The following MAP9 variants were observed in gnomAD, a reference collection of about 807,000 sequenced individuals.
MAP9 encodes the protein microtubule associated protein 9, also known as microtubule-associated protein 9.
In MAP9, 80 loss-of-function variants were observed where a neutral mutation model predicts 75.2. That is an observed-to-expected ratio of 1.06 (90% CI 0.89 to 1.28). MAP9 has a LOEUF of 1.28. MAP9 is among the 50% of genes most tolerant of loss of function. The pLI is 0.00. For missense variants in MAP9, 753 were observed against 719.9 expected, an observed-to-expected ratio of 1.05 and a Z score of -0.53; for synonymous variants, 235 against 237.3, an observed-to-expected ratio of 0.99 and a Z score of 0.09.
intron 2 of MAP9, among the ~76,000 whole-genome samples, 167 bp downstream of exon 2, chr4:155,375,609 G>A (rs1279222203): frequency 6.6e-6 from 1 of 152,128 alleles, no homozygotes; most frequent in Non-Finnish European, 1.5e-5. Flanking sequence ...AAACCATATA[G>A]GGGAGTTTGT....
Position 155,375,681 on chromosome 4 carries a change from C to G in MAP9, c.75+95G>C, listed in dbSNP as rs933483183. On this transcript the variant is annotated intron_variant, in intron 2 of 13. Transcript: ENST00000311277. ...ACCTCAAAAGTAATATAAGATTTAC[C>G]CCTGCTTTATATAGGACTGTTCTAG... 61 of 676,254 alleles carry G rather than the reference C, an allele frequency of 9.0e-5. No individual in the cohort carries two copies. The African/African-American group carries it at 1.0e-3, about 11-fold the overall frequency. 41.9% of individuals were successfully genotyped at this position (676,254 alleles called of 1,614,324 possible).
At position 155,368,617 on chromosome 4, in the gene MAP9, T is replaced by C; in HGVS notation, c.677A>G (p.Lys226Arg). Residue 226 changes from lysine to arginine, a missense_variant, in exon 5 of 14, where the codon AAA (lysine) becomes AGA (arginine). By Grantham distance (26) the Lys-to-Arg change is conservative. Coordinates refer to ENST00000311277, the MANE Select transcript of MAP9 (RefSeq NM_001039580.2). ...TPNGIQLEAE[K>R]KAFSENLDPE... ...ATCAAGGTTTTCAGAGAATGCTTTT[T>C]TCTCAGCTTCTAATTGTATGCCATT... 1.9e-6 allele frequency: 3 copies of C among 1,614,218 alleles called. No homozygotes were observed. The highest frequency in any genetic ancestry group is 2.5e-6 in the Non-Finnish European group (3 of 1,180,028).
intron 7 of MAP9, among the ~76,000 whole-genome samples, chr4:155,358,712 TCAA>T (rs986198713): frequency 1.2e-4 from 18 of 151,712 alleles, no homozygotes; most frequent in Admixed American, 3.3e-4. Flanking sequence ...AATGTTCCCC[TCAA>T]CAACAACAAC....
Position 155,345,008 on chromosome 4 carries a change from T to C in MAP9, c.*2775A>G, listed in dbSNP as rs1731233174. 6.6e-6 allele frequency: 1 copy of C among 152,078 alleles called. No individual in the cohort carries two copies. Among genetic ancestry groups the C allele is most frequent in the Admixed American group, 6.6e-5 (1 of 15,244 alleles). 9.4% of individuals were successfully genotyped at this position (152,078 alleles called of 1,614,324 possible). A position where few individuals can be genotyped will look rare whatever the true frequency, so the allele number is the denominator to read the frequency against. On this transcript the variant is annotated 3_prime_UTR_variant, in exon 14 of 14. Transcript: ENST00000311277. ...AATGTCCTTAATTTGAATTAAACATTCCCTTATAATACAAATTAATGTAAA... is the reference window on the plus strand; with the variant it reads ...AATGTCCTTAATTTGAATTAAACATCCCCTTATAATACAAATTAATGTAAA...
chr4:155,366,084 G>A (rs1370708315), intron 5 of MAP9, among the ~76,000 whole-genome samples: 3 of 152,176 alleles, frequency 2.0e-5, no homozygotes, highest in African/African-American at 4.8e-5. Context: ...AAAGAGGCCA[G>A]GCGCCGTGGC....
chr4:155,350,219 G>A, intron 13 of MAP9: 1 of 452,360 alleles, frequency 2.2e-6, no homozygotes, highest in South Asian at 1.6e-5. Context: ...CTCCTATACA[G>A]GGGCAATTTT....
chr4:155,374,872 G>A lies in MAP9; in HGVS notation c.160+65C>T, dbSNP rs1457656708. The A allele has an allele frequency of 6.7e-6, 7 of 1,042,808 alleles. No individual in the cohort carries two copies. In the South Asian group the frequency reaches 9.5e-5, roughly 14 times the overall value. 64.6% of individuals were successfully genotyped at this position (1,042,808 alleles called of 1,614,324 possible). A position where few individuals can be genotyped will look rare whatever the true frequency, so the allele number is the denominator to read the frequency against. On this transcript the variant is annotated intron_variant, in intron 3 of 13. Transcript: ENST00000311277. ...GAGGGGATGGGTGGTTGGGGGGCTG[G>A]CTAAATACAAAACTAAGGAAGCAAA... is the stretch of plus-strand genomic sequence containing the variant.
At chr4:155,349,409 C>A (rs1296647353) in intron 13 of MAP9, 1 of 65,414 alleles carries the variant, frequency 1.5e-5, no homozygotes, top group African/African-American at 5.6e-5. Context: ...TGAAACCTGC[C>A]TCTGCAGGTT....
Position 155,360,463 on chromosome 4 carries a change from A to C in MAP9, c.803-48T>G, listed in dbSNP as rs772420693. 1.0e-5 allele frequency: 16 copies of C among 1,544,730 alleles called. No individual in the cohort carries two copies. In the South Asian group the frequency reaches 1.6e-4, roughly 16 times the overall value. On this transcript the variant is annotated intron_variant, in intron 6 of 13. Transcript: ENST00000311277. ...CATTAAAACCCCCTTCTGAATTAAT[A>C]AGGTAAATACTTGATTCATTTGCTT...
chr4:155,353,190 C>G lies in MAP9; in HGVS notation c.1531G>C (p.Glu511Gln). The change falls in exon 11 of 14, where the codon GAA (glutamate) becomes CAA (glutamine). Residue 511 changes from glutamate to glutamine, a missense_variant. Coordinates refer to ENST00000311277, the MANE Select transcript of MAP9 (RefSeq NM_001039580.2). ...AAAGTTCTGAATACTTGTAGTGCTT[C>G]TCCTTTTCTTGCAGCATTTTCTTCT... ...TEEENAARKGEALQAFEKWKE... is the reference protein window; with the variant it reads ...TEEENAARKGQALQAFEKWKE... The G allele has an allele frequency of 6.3e-7, 1 of 1,593,598 alleles. No individual in the cohort carries two copies. The highest frequency in any genetic ancestry group is 1.8e-5 in the Admixed American group (1 of 56,162).
intron 10 of MAP9, among the ~76,000 whole-genome samples, chr4:155,353,807 A>G (rs1731635208): frequency 6.6e-6 from 1 of 152,210 alleles, no homozygotes; most frequent in Non-Finnish European, 1.5e-5. Flanking sequence ...TTAATTTTGA[A>G]TAGTATCAAA....
At chr4:155,376,439 G>T (rs1473515330) in intron 1 of MAP9, 1 of 152,272 alleles carries the variant, frequency 6.6e-6, no homozygotes, top group Admixed American at 6.5e-5. Context: ...GTTAAAGAGA[G>T]CCAGACAAAA....
At chr4:155,364,602 T>C (rs1211999349) in intron 5 of MAP9, among the ~76,000 whole-genome samples, 1 of 148,904 alleles carries the variant, frequency 6.7e-6, no homozygotes, top group East Asian at 1.9e-4. Flanking sequence ...ATATAATATA[T>C]ATTTATTCTA....
intron 5 of MAP9, among the ~76,000 whole-genome samples, chr4:155,365,969 A>G (rs942239274): frequency 6.6e-6 from 1 of 152,206 alleles, no homozygotes; most frequent in African/African-American, 2.4e-5. Flanking sequence ...TACAAAGAAG[A>G]AAGTTTACAC....
At chr4:155,361,720 T>G (rs1337468797) in intron 6 of MAP9, among the ~76,000 whole-genome samples, 1 of 152,080 alleles carries the variant, frequency 6.6e-6, no homozygotes, top group African/African-American at 2.4e-5. Flanking sequence ...CTGCAGAATA[T>G]CACAGCAACA....
intron 8 of MAP9, among the ~76,000 whole-genome samples, chr4:155,356,260 C>G (rs2111215040): frequency 6.6e-6 from 1 of 151,418 alleles, no homozygotes; most frequent in South Asian, 2.1e-4. Flanking sequence ...GAGTGAGACT[C>G]CATCTCAAAA....
chr4:155,372,583 A>C (rs1560818333), intron 4 of MAP9, among the ~76,000 whole-genome samples: 2 of 152,228 alleles, frequency 1.3e-5, no homozygotes, highest in East Asian at 1.9e-4. Context: ...CAATACAGAG[A>C]TCAAATGGAG....
chr4:155,361,803 C>G (rs560664695), intron 6 of MAP9, among the ~76,000 whole-genome samples: 5 of 152,094 alleles, frequency 3.3e-5, no homozygotes, highest in African/African-American at 1.2e-4. Flanking sequence ...CTAAAATGCA[C>G]TATATCACTT....
chr4:155,353,055 A>T lies in MAP9; in HGVS notation c.1545T>A (p.Ala515=), dbSNP rs1437455693. Residue 515 remains alanine (A), a splice_region_variant and synonymous_variant, in exon 12 of 14, where the codon GCT becomes GCA. Transcript: ENST00000311277. The part of the protein sequence containing the change: ...NAARKGEALQ[A]FEKWKEKKME... ...TCTTTTTCTCTTTCCATTTTTCAAA[A>T]GCCTGAAAAAGTTCAGAATAATTTT... 1 of 1,538,894 alleles carries T rather than the reference A, an allele frequency of 6.5e-7. No individual in the cohort carries two copies. The highest frequency in any genetic ancestry group is 8.8e-7 in the Non-Finnish European group (1 of 1,141,102).
Sources: gnomAD v4.1 joint callset for allele counts (sites outside exome capture counted in the v4.1 genomes callset) on GRCh38, gnomAD v4.1.1 for gene constraint, MANE v1.5 for transcripts, NCBI Gene and HGNC (gene_info 2026-07-23, HGNC 2026-07-21) for gene names.